Variants in SPRY3 observed in about 807,000 individuals in gnomAD.
The protein encoded by SPRY3 is sprouty RTK signaling antagonist 3, also known as protein sprouty homolog 3.
Under a neutral mutation model 20.2 loss-of-function variants are expected in SPRY3, and 15 were observed. That is an observed-to-expected ratio of 0.74 (90% CI 0.50 to 1.14). The LOEUF is 1.14. SPRY3 is among the 50% of genes most tolerant of loss of function. The pLI is 0.00. For synonymous variants in SPRY3, 143 were observed against 136.5 expected (o/e 1.05, Z -0.33); for missense variants, 364 against 363.9 (o/e 1.00, Z 0.00).
rs991522326 is a variant in SPRY3, at chrX:155,763,124, AC to A, written c.-281-4834del. 3.2e-3 allele frequency among the ~76,000 whole-genome samples: 476 copies of A among 149,006 alleles called. 2 individuals are homozygous for A. Among genetic ancestry groups the A allele is most frequent in the African/African-American group, 0.011 (441 of 39,618 alleles). On this transcript the variant is annotated intron_variant, in intron 2 of 3. Transcript: ENST00000675360. ...AATAATACAGGAACAACAAAAAAAA[AC>A]CCCTCATGTTCTCACTTATAAGTGG...
At chrX:155,754,392 A>G (rs1037337341) in intron 2 of SPRY3, among the ~76,000 whole-genome samples, 2 of 152,034 alleles carry the variant, frequency 1.3e-5, no homozygotes, top group African/African-American at 4.8e-5. Context: ...TAGAAAATCA[A>G]TGGATCATAA....
intron 2 of SPRY3, among the ~76,000 whole-genome samples, chrX:155,716,600 TG>T (rs1257025958): frequency 6.6e-6 from 1 of 152,142 alleles, no homozygotes; most frequent in Non-Finnish European, 1.5e-5. Context: ...TTTACTTTTT[TG>T]TTTTTCTTTT....
chrX:155,662,096 G>A (rs1392391705), intron 2 of SPRY3, among the ~76,000 whole-genome samples: 1 of 111,800 alleles, frequency 8.9e-6, no homozygotes, highest in East Asian at 2.8e-4. Context: ...ATTCTTTGGG[G>A]TTGTTGAAAC....
intron 1 of SPRY3, among the ~76,000 whole-genome samples, chrX:155,617,756 T>C (rs1168567058): frequency 8.9e-6 from 1 of 112,119 alleles, no homozygotes; most frequent in Non-Finnish European, 1.9e-5. Context: ...ACTACACTTA[T>C]CAAAACAGTG....
chrX:155,751,627 A>T (rs1261987614), intron 2 of SPRY3, among the ~76,000 whole-genome samples: 2 of 151,880 alleles, frequency 1.3e-5, no homozygotes, highest in Non-Finnish European at 2.9e-5. Context: ...TTTTCCAAAT[A>T]TAGAAAGGCT....
intron 1 of SPRY3, among the ~76,000 whole-genome samples, chrX:155,634,968 A>G (rs1197976185): frequency 9.1e-6 from 1 of 109,404 alleles, no homozygotes; most frequent in Non-Finnish European, 1.9e-5. Context: ...TACATGTGCC[A>G]TGGTGCTTTG....
chrX:155,773,961 G>A, exon 4 of SPRY3: 1 of 1,613,922 alleles, frequency 6.2e-7, no homozygotes, highest in Non-Finnish European at 8.5e-7. Flanking sequence ...ACGTGGAACG[G>A]CCTCCAGCCC....
chrX:155,770,826 T>C (rs951223185), intron 3 of SPRY3, among the ~76,000 whole-genome samples: 1 of 152,158 alleles, frequency 6.6e-6, no homozygotes, highest in African/African-American at 2.4e-5. Context: ...TCTCAACATA[T>C]TTTTCCCTCT....
chrX:155,674,469 A>G (rs1041173711), intron 2 of SPRY3, among the ~76,000 whole-genome samples: 35 of 111,138 alleles, frequency 3.1e-4, no homozygotes, highest in African/African-American at 1.1e-3. Context: ...AAGGAAGTCT[A>G]TTCCATTGTT....
At chrX:155,777,024 A>T (rs1413114630), downstream of SPRY3, 1 of 167,060 alleles carries the variant, frequency 6.0e-6, no homozygotes, top group Non-Finnish European at 1.5e-5. Flanking sequence ...AACCCAAACC[A>T]ATACCTGTAA....
intron 2 of SPRY3, among the ~76,000 whole-genome samples, chrX:155,723,145 G>A (rs1453602461): frequency 6.6e-6 from 1 of 152,102 alleles, no homozygotes; most frequent in Non-Finnish European, 1.5e-5. Context: ...GTATTCCATG[G>A]TGTATATGTG....
chrX:155,773,985 C>T (rs1457834434), exon 4 of SPRY3: 4 of 1,613,810 alleles, frequency 2.5e-6, no homozygotes, highest in South Asian at 1.1e-5. Context: ...GTAAACAGGC[C>T]CTCTCCAGCC....
At chrX:155,679,132 C>T (rs1264775919) in intron 2 of SPRY3, among the ~76,000 whole-genome samples, 1 of 111,146 alleles carries the variant, frequency 9.0e-6, no homozygotes, top group Non-Finnish European at 1.9e-5. Context: ...ACCACCATGG[C>T]ATGTGTATGC....
At chrX:155,753,358 G>A (rs1379427390) in intron 2 of SPRY3, among the ~76,000 whole-genome samples, 1 of 151,812 alleles carries the variant, frequency 6.6e-6, no homozygotes, top group African/African-American at 2.4e-5. Flanking sequence ...ATGACCTTTT[G>A]TGTCTGGCTT....
intron 2 of SPRY3, among the ~76,000 whole-genome samples, chrX:155,660,588 C>T (rs911690596): frequency 9.0e-6 from 1 of 110,955 alleles, no homozygotes; most frequent in Admixed American, 9.6e-5. Flanking sequence ...GATTTTCTGC[C>T]TCGGTGATCT....
At chrX:155,729,753 C>CA (rs1330832521) in intron 2 of SPRY3, among the ~76,000 whole-genome samples, 2 of 148,746 alleles carry the variant, frequency 1.3e-5, no homozygotes, top group African/African-American at 2.5e-5. Context: ...TAGAAAATAC[C>CA]AAAAAAAGAA....
At chrX:155,706,214 G>A (rs1236652319) in intron 2 of SPRY3, among the ~76,000 whole-genome samples, 2 of 150,980 alleles carry the variant, frequency 1.3e-5, no homozygotes, top group African/African-American at 2.4e-5. Flanking sequence ...AGATAATCTG[G>A]AAAAATTCCC....
intron 2 of SPRY3, among the ~76,000 whole-genome samples, chrX:155,678,366 T>A (rs1315187319): frequency 8.9e-6 from 1 of 112,087 alleles, no homozygotes; most frequent in Non-Finnish European, 1.9e-5. Flanking sequence ...GTAGAATGAC[T>A]CCAGTACCCT....
intron 2 of SPRY3, among the ~76,000 whole-genome samples, chrX:155,763,764 T>C (rs1301603115): frequency 2.0e-4 from 30 of 152,164 alleles, no homozygotes; most frequent in Admixed American, 2.0e-3. Context: ...CTTTGAATCC[T>C]TACCTATCTA....
Sources: gnomAD v4.1 joint callset for allele counts (sites outside exome capture counted in the v4.1 genomes callset) on GRCh38, gnomAD v4.1.1 for gene constraint, MANE v1.5 for transcripts, NCBI Gene and HGNC (gene_info 2026-07-23, HGNC 2026-07-21) for gene names.